Variants in GRM5 observed in about 807,000 individuals in gnomAD.
The protein encoded by GRM5 is glutamate metabotropic receptor 5.
GRM5 carries 19 observed loss-of-function variants against 83.1 expected under a neutral mutation model. The ratio of observed to expected loss-of-function variants is 0.23; its 90% CI spans 0.16 to 0.34. The LOEUF (loss-of-function observed/expected upper bound fraction) is 0.34, where lower values mean the gene tolerates loss of function less well. Ranked by LOEUF, GRM5 falls within the 10% of genes least tolerant of loss-of-function variation. The pLI is 1.00. For synonymous variants in GRM5, 675 were observed against 633.6 expected (o/e 1.07, Z -0.98); for missense variants, 1,160 against 1,588.3 (o/e 0.73, Z 4.58).
chr11:88,847,277 T>C (rs1423206740), intron 3 of GRM5, among the ~76,000 whole-genome samples: 1 of 152,180 alleles, frequency 6.6e-6, no homozygotes, highest in African/African-American at 2.4e-5. Context: ...TATCTGTAAG[T>C]ATCATAAGGG....
chr11:88,952,512 T>C (rs1938496019), intron 2 of GRM5, among the ~76,000 whole-genome samples: 1 of 152,156 alleles, frequency 6.6e-6, no homozygotes, highest in African/African-American at 2.4e-5. Flanking sequence ...AATGTTCTGA[T>C]GCAAAATTCA....
intron 2 of GRM5, among the ~76,000 whole-genome samples, chr11:88,886,707 G>A (rs1170876389): frequency 2.0e-5 from 3 of 152,154 alleles, no homozygotes; most frequent in Non-Finnish European, 4.4e-5. Context: ...ACCCTGATGA[G>A]ATGTCGGCAA....
intron 3 of GRM5, among the ~76,000 whole-genome samples, chr11:88,802,739 C>A (rs1590868824): frequency 2.0e-5 from 3 of 150,682 alleles, no homozygotes; most frequent in Admixed American, 2.0e-4. Context: ...AAGAGGAAGT[C>A]AAATTGTCCC....
At chr11:88,555,007 A>G (rs1942593901) in intron 8 of GRM5, among the ~76,000 whole-genome samples, 1 of 152,150 alleles carries the variant, frequency 6.6e-6, no homozygotes, top group African/African-American at 2.4e-5. Context: ...TATCCTCTTG[A>G]AAGCTTACCA....
At chr11:88,986,771 C>G (rs1939730104) in intron 2 of GRM5, among the ~76,000 whole-genome samples, 1 of 147,036 alleles carries the variant, frequency 6.8e-6, no homozygotes, top group South Asian at 2.1e-4. Flanking sequence ...CATATCCTCC[C>G]CCAAAAATCA....
chr11:88,943,114 C>G (rs918655625), intron 2 of GRM5, among the ~76,000 whole-genome samples: 1 of 152,016 alleles, frequency 6.6e-6, no homozygotes, highest in African/African-American at 2.4e-5. Context: ...TGAACTCTGC[C>G]TAACAGGGCT....
At chr11:89,011,615 A>G (rs1940702156) in intron 2 of GRM5, among the ~76,000 whole-genome samples, 2 of 152,208 alleles carry the variant, frequency 1.3e-5, no homozygotes, top group Non-Finnish European at 2.9e-5. Flanking sequence ...ATTACGTGAA[A>G]TCTGCAATGT....
At chr11:88,592,864 A>C (rs932762535) in intron 6 of GRM5, among the ~76,000 whole-genome samples, 22 of 152,002 alleles carry the variant, frequency 1.4e-4, no homozygotes, top group African/African-American at 4.8e-4. Flanking sequence ...TTAGGCTGGG[A>C]GTGCAGTGGC....
chr11:88,939,795 TA>T (rs1000253275), intron 2 of GRM5, among the ~76,000 whole-genome samples: 16 of 151,662 alleles, frequency 1.1e-4, no homozygotes, highest in Admixed American at 3.3e-4. Context: ...ACCTGATGTC[TA>T]AAAAAAACTT....
At chr11:88,941,311 A>C (rs1386961898) in intron 2 of GRM5, among the ~76,000 whole-genome samples, 6 of 151,566 alleles carry the variant, frequency 4.0e-5, no homozygotes, top group Admixed American at 3.3e-4. Flanking sequence ...TATCAAAAAT[A>C]ATCATGAAAC....
chr11:88,860,072 T>C (rs991168036), intron 2 of GRM5, among the ~76,000 whole-genome samples: 1 of 152,174 alleles, frequency 6.6e-6, no homozygotes, highest in Non-Finnish European at 1.5e-5. Flanking sequence ...AGAGAGACCA[T>C]AGAAAATGAC....
At chr11:88,558,186 A>G (rs1350397432) in intron 8 of GRM5, among the ~76,000 whole-genome samples, 5 of 152,266 alleles carry the variant, frequency 3.3e-5, no homozygotes, top group African/African-American at 1.2e-4. Flanking sequence ...GGTGGGAAGC[A>G]TAAGGATCCT....
intron 3 of GRM5, among the ~76,000 whole-genome samples, chr11:88,722,479 A>G (rs1941568923): frequency 6.6e-6 from 1 of 152,134 alleles, no homozygotes; most frequent in Non-Finnish European, 1.5e-5. Flanking sequence ...TAACTTTTGT[A>G]CATTTCAGAA....
intron 4 of GRM5, among the ~76,000 whole-genome samples, chr11:88,632,553 T>G (rs1206134625): frequency 6.6e-6 from 1 of 152,190 alleles, no homozygotes; most frequent in South Asian, 2.1e-4. Context: ...TATTAATTGG[T>G]CATTCCTTTA....
At chr11:88,534,038 G>T (rs1340626278) in intron 8 of GRM5, among the ~76,000 whole-genome samples, 2 of 152,138 alleles carry the variant, frequency 1.3e-5, no homozygotes, top group Non-Finnish European at 2.9e-5. Flanking sequence ...CAGGAATTGA[G>T]GTTCAGGAAC....
At chr11:89,018,885 T>C (rs917337728) in intron 2 of GRM5, among the ~76,000 whole-genome samples, 3 of 152,218 alleles carry the variant, frequency 2.0e-5, no homozygotes, top group African/African-American at 4.8e-5. Context: ...CATACCCACA[T>C]TTTCCTGCTA....
intron 3 of GRM5, among the ~76,000 whole-genome samples, chr11:88,708,105 C>CA (rs1472133919): frequency 6.6e-6 from 1 of 151,942 alleles, no homozygotes; most frequent in East Asian, 1.9e-4. Flanking sequence ...AATGTAGGAG[C>CA]AAAATTGCCA....
At chr11:88,934,650 T>C (rs949497542) in intron 2 of GRM5, among the ~76,000 whole-genome samples, 1 of 151,930 alleles carries the variant, frequency 6.6e-6, no homozygotes, top group African/African-American at 2.4e-5. Context: ...AACTTAATGA[T>C]TTTATTTGAA....
Position 88,509,288 on chromosome 11 carries a change from G to A in GRM5, c.2943C>T (p.Gly981=). 6.7e-7 allele frequency: 1 copy of A among 1,485,630 alleles called. No individual in the cohort carries two copies. The highest frequency in any genetic ancestry group is 8.9e-7 in the Non-Finnish European group (1 of 1,121,506). The allele number at this position is 1,485,630 out of a possible 1,614,324, so 92.0% of individuals were successfully genotyped here. A position where few individuals can be genotyped will look rare whatever the true frequency, so the allele number is the denominator to read the frequency against. Residue 981 remains glycine (G), a synonymous_variant, in exon 10 of 10, where the codon GGC becomes GGT. Coordinates refer to ENST00000305447, the MANE Select transcript of GRM5 (RefSeq NM_001143831.3). Reference sequence around the variant, plus strand: ...GCCCGCCTGGGCCGGCGCCTGCGCAGCCCGCACCGCCCGTGGCCCCCACGC... The same window carrying A: ...GCCCGCCTGGGCCGGCGCCTGCGCAACCCGCACCGCCCGTGGCCCCCACGC... ...AGGVGATGGA[G]CAGAGPGGPE...
Sources: gnomAD v4.1 joint callset for allele counts (sites outside exome capture counted in the v4.1 genomes callset) on GRCh38, gnomAD v4.1.1 for gene constraint, MANE v1.5 for transcripts, NCBI Gene and HGNC (gene_info 2026-07-23, HGNC 2026-07-21) for gene names.